HK3: variants seen among roughly 807,000 people sequenced by gnomAD.
The protein encoded by HK3 is hexokinase 3, also known as hexokinase-3.
A neutral mutation model predicts 91.0 loss-of-function variants in HK3; 93 were observed. The observed-to-expected ratio is 1.02, with a 90% CI of 0.86 to 1.21. The LOEUF (loss-of-function observed/expected upper bound fraction) is 1.21, where lower values mean the gene tolerates loss of function less well. HK3 is among the 50% of genes most tolerant of loss of function. HK3 has a pLI of 0.00. For missense variants in HK3, 1,235 were observed against 1,247.4 expected, an observed-to-expected ratio of 0.99 and a Z score of 0.15; for synonymous variants, 519 against 516.9, an observed-to-expected ratio of 1.00 and a Z score of -0.06.
chr5:176,890,256 T>G (rs1186131165), intron 6 of HK3, among the ~76,000 whole-genome samples: 3 of 152,190 alleles, frequency 2.0e-5, no homozygotes, highest in Non-Finnish European at 4.4e-5. Flanking sequence ...TTCAAGCCCC[T>G]GATCAAAGAG....
At chr5:176,896,777 T>A (rs1422045504) in intron 1 of HK3, among the ~76,000 whole-genome samples, 1 of 152,036 alleles carries the variant, frequency 6.6e-6, no homozygotes, top group Non-Finnish European at 1.5e-5. Context: ...CAGAAAGGGG[T>A]TCCACTAGTG....
Position 176,891,088 on chromosome 5 carries a change from T to G in HK3, c.363A>C (p.Arg121Ser), listed in dbSNP as rs1346286415. The change falls in exon 4 of 19, where the codon AGA becomes AGC. Residue 121 changes from arginine to serine, a missense_variant. Arg to Ser is a moderately radical substitution (Grantham distance 110, BLOSUM62 -1). Transcript: ENST00000292432. Reference protein sequence around the residue: ...TGIEGHRVEPRSQEFVIPQEV... With the variant: ...TGIEGHRVEPSSQEFVIPQEV... ...CTTGGGGGATCACAAACTCCTGGCTTCTGGGCTCCACCCTATGCCCCTCAA... is the reference window on the plus strand; with the variant it reads ...CTTGGGGGATCACAAACTCCTGGCTGCTGGGCTCCACCCTATGCCCCTCAA... The G allele has an allele frequency of 6.2e-7, 1 of 1,614,058 alleles. No individual in the cohort carries two copies. Among genetic ancestry groups the G allele is most frequent in the South Asian group, 1.1e-5 (1 of 91,076 alleles).
rs569541765 is a variant in HK3 at position 176,881,771 on chromosome 5, C to T, written c.2314G>A (p.Val772Ile). Residue 772 changes from valine (V) to isoleucine (I), a missense_variant, in exon 17 of 19, where the codon GTT becomes ATT. By Grantham distance (29) the Val-to-Ile change is conservative (BLOSUM62 3). Transcript: ENST00000292432. Reference protein sequence around the residue: ...HILLHLTSLGVLFRGQQIQRL... With the variant: ...HILLHLTSLGILFRGQQIQRL... ...TGGATCTGCTGGCCCCGGAAGAGAACGCCAAGGCTGGTTAAATGTAAAAGG... is the reference window on the plus strand; with the variant it reads ...TGGATCTGCTGGCCCCGGAAGAGAATGCCAAGGCTGGTTAAATGTAAAAGG... 8.0e-5 allele frequency: 129 copies of T among 1,614,178 alleles called. 1 individual carries two copies. In the Admixed American group the frequency reaches 9.3e-4, roughly 12 times the overall value.
At chr5:176,883,281 C>T (rs1758492726) in intron 15 of HK3, among the ~76,000 whole-genome samples, 2 of 152,150 alleles carry the variant, frequency 1.3e-5, no homozygotes, top group South Asian at 4.1e-4. Flanking sequence ...GTCTGAAGGA[C>T]CCTCATTGCT....
At position 176,881,748 on chromosome 5, in the gene HK3, G is replaced by A. The variant is rs1263135614; in HGVS notation, c.2337C>T (p.Ile779=). 3 of 1,614,024 alleles carry A rather than the reference G, an allele frequency of 1.9e-6. No homozygotes were observed. Among genetic ancestry groups the A allele is most frequent in the Non-Finnish European group, 2.5e-6 (3 of 1,180,038 alleles). ...AGATGTCCCTGGTCTGAAGGCGCTG[G>A]ATCTGCTGGCCCCGGAAGAGAACGC... ...SLGVLFRGQQ[I]QRLQTRDIFK... The change falls in exon 17 of 19, where the codon ATC becomes ATT. Residue 779 remains isoleucine (I), a synonymous_variant. Coordinates refer to ENST00000292432, the MANE Select transcript of HK3 (RefSeq NM_002115.3).
intron 2 of HK3, among the ~76,000 whole-genome samples, chr5:176,893,053 C>T (rs1171098750): frequency 1.3e-5 from 2 of 152,178 alleles, no homozygotes; most frequent in African/African-American, 2.4e-5. Context: ...GGCTGCACAT[C>T]CAGGAACTCA....
At position 176,887,057 on chromosome 5, in the gene HK3, C is replaced by T. The variant is rs747667034; in HGVS notation, c.1802G>A (p.Ser601Asn). Residue 601 changes from serine (S) to asparagine (N), a missense_variant, in exon 13 of 19, where the codon AGC becomes AAC. Physicochemically the swap from Ser to Asn is conservative, Grantham distance 46 (BLOSUM62 1). Transcript: ENST00000292432. This position sits in a 1 kb window ranked among gnomAD's most constrained non-coding sequence, Gnocchi z 4.9. ...FQQKQGLSGQ[S>N]LPLGFTFSFP... is the part of the protein sequence containing the mutation. ...GGAGAAGGTAAAACCCAGTGGGAGGCTCTGCCCGCTCAGGCCCTGCTTCTG... is the reference window on the plus strand; with the variant it reads ...GGAGAAGGTAAAACCCAGTGGGAGGTTCTGCCCGCTCAGGCCCTGCTTCTG... 67 of 1,614,110 alleles carry T rather than the reference C, an allele frequency of 4.2e-5. No homozygotes were observed. Among genetic ancestry groups the T allele is most frequent in the Non-Finnish European group, 5.2e-5 (61 of 1,180,046 alleles).
Position 176,887,577 on chromosome 5 carries a change from A to G in HK3, c.1474T>C (p.Leu492=), listed in dbSNP as rs374282256. 2.5e-5 allele frequency: 40 copies of G among 1,613,730 alleles called. No homozygotes were observed. The African/African-American group carries it at 4.8e-4, about 19-fold the overall frequency. The change falls in exon 11 of 19, where the codon TTG becomes CTG. Residue 492 remains leucine, a synonymous_variant. Transcript: ENST00000292432. This position sits in a 1 kb window ranked among gnomAD's most constrained non-coding sequence, Gnocchi z 4.9. ...ACCGCAGCCAGTTGATCATGGTTCA[A>G]CCGGAATGGGGCCAGGGTCTCCTCC... ...LLEETLAPFR[L]NHDQLAAVQA...
At chr5:176,895,135 C>A (rs369353060) in intron 2 of HK3, among the ~76,000 whole-genome samples, 5,686 of 132,868 alleles carry the variant, frequency 0.043, 274 homozygotes, top group Middle Eastern at 0.15. Flanking sequence ...CTGGAGTGCA[C>A]TGCCACAATT....
In HK3 at chr5:176,884,333, C is replaced by A. The variant is rs1018461116; in HGVS notation, c.1858-199G>T. Among the ~76,000 whole-genome samples, 4 of 152,238 alleles carry A rather than the reference C, an allele frequency of 2.6e-5. No homozygotes were observed. Among genetic ancestry groups the A allele is most frequent in the Non-Finnish European group, 5.9e-5 (4 of 68,042 alleles). ...CCAGGAGGCTTTCGGTGTGCAAAAA[C>A]CTATTAATAACCATCTAACCTACAT... On this transcript the variant is annotated intron_variant, in intron 13 of 18. Transcript: ENST00000292432. This position sits in a 1 kb window ranked among gnomAD's most constrained non-coding sequence, Gnocchi z 4.1.
chr5:176,887,539 C>T lies in HK3; in HGVS notation c.1512G>A (p.Met504Ile). The T allele has an allele frequency of 6.2e-7, 1 of 1,613,856 alleles. No individual in the cohort carries two copies. The highest frequency in any genetic ancestry group is 8.5e-7 in the Non-Finnish European group (1 of 1,179,998). The change falls in exon 11 of 19, where the codon ATG (methionine) becomes ATA (isoleucine). Residue 504 changes from methionine to isoleucine, a missense_variant. Physicochemically the swap from Met to Ile is conservative, Grantham distance 10. Coordinates refer to ENST00000292432, the MANE Select transcript of HK3 (RefSeq NM_002115.3). This position sits in a 1 kb window ranked among gnomAD's most constrained non-coding sequence, Gnocchi z 4.9. ...GGAGCCCCTTGGCCATGGCCTTCCG[C>T]ATCTGTGCCTGAACCGCAGCCAGTT... ...HDQLAAVQAQ[M>I]RKAMAKGLRG...
chr5:176,890,637 C>T lies in HK3; in HGVS notation c.628G>A (p.Gly210Arg), dbSNP rs1758739833. ...CTGTCACCCCTCCCTCCACTCACCCCCTGCCTCCGAATGGCATCTCTCAGC... is the reference window on the plus strand; with the variant it reads ...CTGTCACCCCTCCCTCCACTCACCCTCTGCCTCCGAATGGCATCTCTCAGC... ...QLLRDAIRRQGAYNIDVVAVV... is the reference protein window; with the variant it reads ...QLLRDAIRRQRAYNIDVVAVV... Residue 210 changes from glycine to arginine, a missense_variant and splice_region_variant, in exon 6 of 19, where the codon GGG becomes AGG. Around this residue, in one of 3 missense-constraint regions of HK3, gnomAD observed 717 missense variants for 751.6 expected, o/e 0.95. Transcript: ENST00000292432. 3 of 1,613,962 alleles carry T rather than the reference C, an allele frequency of 1.9e-6. No individual in the cohort carries two copies. The highest frequency in any genetic ancestry group is 1.7e-5 in the Admixed American group (1 of 60,032).
At position 176,889,414 on chromosome 5, in the gene HK3, A is replaced by C. The variant is rs565637507; in HGVS notation, c.881T>G (p.Leu294Arg). The change falls in exon 8 of 19, where the codon CTG becomes CGG. Residue 294 changes from leucine to arginine, a missense_variant. By Grantham distance (102) the Leu-to-Arg change is moderately radical. Transcript: ENST00000292432. Reference protein sequence around the residue: ...GPVLTTFDHTLDHESLNPGAQ... With the variant: ...GPVLTTFDHTRDHESLNPGAQ... Reference sequence around the variant, plus strand: ...ACCAGGATTCAGGGACTCATGGTCCAGGGTATGGTCGAAGGTGGTCAGCAC... The same window carrying C: ...ACCAGGATTCAGGGACTCATGGTCCCGGGTATGGTCGAAGGTGGTCAGCAC... 1.5e-5 allele frequency: 24 copies of C among 1,614,164 alleles called. No homozygotes were observed. The African/African-American group carries it at 3.1e-4, about 21-fold the overall frequency.
rs753241049 is a variant in HK3, at chr5:176,881,471, C to G, written c.2458G>C (p.Asp820His). 25 of 1,608,564 alleles carry G rather than the reference C, an allele frequency of 1.6e-5. 1 individual carries two copies. The South Asian group carries it at 2.6e-4, about 17-fold the overall frequency. The change falls in exon 18 of 19, where the codon GAT becomes CAT. Residue 820 changes from aspartate (D) to histidine (H), a missense_variant. Around this residue, in one of 3 missense-constraint regions of HK3, gnomAD observed 513 missense variants for 477.4 expected, o/e 1.07. Transcript: ENST00000292432. Reference protein sequence around the residue: ...LEDLGLPLTSDDALMVLEVCQ... With the variant: ...LEDLGLPLTSHDALMVLEVCQ... ...ACCTCTAGCACCATCAGGGCGTCATCTGAGGTCAGGGGTAGCCCCAGATCC... is the reference window on the plus strand; with the variant it reads ...ACCTCTAGCACCATCAGGGCGTCATGTGAGGTCAGGGGTAGCCCCAGATCC...
In HK3 at chr5:176,883,831, C is replaced by T. The variant is rs554140413; in HGVS notation, c.1992G>A (p.Thr664=). The change falls in exon 15 of 19, where the codon ACG becomes ACA. Residue 664 remains threonine, a synonymous_variant. Coordinates refer to ENST00000292432, the MANE Select transcript of HK3 (RefSeq NM_002115.3). ...AGCCACAGGACATCATGGTCCCCAC[C>T]GTGTCATTGACAATGGCAACCACAT... is the stretch of plus-strand genomic sequence containing the variant. The part of the protein sequence containing the change: ...ELNVVAIVND[T]VGTMMSCGYE... 2.4e-5 allele frequency: 38 copies of T among 1,613,968 alleles called. No homozygotes were observed. The highest frequency in any genetic ancestry group is 8.3e-5 in the Admixed American group (5 of 60,000).
At chr5:176,883,263 C>T (rs991695059) in intron 15 of HK3, among the ~76,000 whole-genome samples, 4 of 152,186 alleles carry the variant, frequency 2.6e-5, no homozygotes, top group Admixed American at 6.5e-5. Context: ...AGGATGGAAT[C>T]TTGGACTGTC....
chr5:176,896,310 C>CA, intron 1 of HK3, 125 bp from the exon 2 acceptor site: 2 of 488,356 alleles, frequency 4.1e-6, no homozygotes, highest in Non-Finnish European at 7.4e-6. Context: ...GAATTCAGAA[C>CA]CTCCAACCAT....
intron 4 of HK3, 41 bp from the exon 5 acceptor site, chr5:176,890,982 C>T (rs1169436989): frequency 1.2e-5 from 20 of 1,613,876 alleles, no homozygotes; most frequent in Non-Finnish European, 1.7e-5. Flanking sequence ...CCCATCTGAG[C>T]CCTAGCCACC....
At chr5:176,891,633 C>T in intron 2 of HK3, 83 bp from the exon 3 acceptor site, 2 of 1,376,306 alleles carry the variant, frequency 1.5e-6, no homozygotes, top group Non-Finnish European at 2.0e-6. Context: ...CAGAGGCCTG[C>T]CCTGCCCAGC....
Sources: allele counts gnomAD v4.1 joint callset (sites outside exome capture counted in the v4.1 genomes callset), GRCh38; gene constraint gnomAD v4.1.1; regional missense constraint gnomAD v4.1.1; non-coding constraint Gnocchi (gnomAD v3.1); transcripts MANE v1.5; gene names NCBI Gene and HGNC (gene_info 2026-07-23, HGNC 2026-07-21).